TTN: variants seen among roughly 807,000 people sequenced by gnomAD.
TTN encodes titin, also known as connectin.
A neutral mutation model predicts 3,223.0 loss-of-function variants in TTN; 1,525 were observed. That is an observed-to-expected ratio of 0.47 (90% CI 0.45 to 0.49). The LOEUF (loss-of-function observed/expected upper bound fraction) is 0.49. Among genes scored for constraint, TTN ranks in the 20% least tolerant of loss-of-function variants. The pLI is 0.00. For synonymous variants in TTN, 14,094 were observed against 15,161.0 expected (o/e 0.93, Z 5.17); for missense variants, 40,786 against 43,424.0 (o/e 0.94, Z 5.40).
rs1345051684 is a variant in TTN, at chr2:178,653,263, T to C, written c.38766A>G (p.Lys12922=). Residue 12922 remains lysine (K), a synonymous_variant, in exon 198 of 363, where the codon AAA becomes AAG. Transcript: ENST00000589042. Reference sequence around the variant, plus strand: ...CTTTAACAGGTGGGACTTCAGGCTTTTTAGGAGGAGCCAAGGGCACTTTCT... The same window carrying C: ...CTTTAACAGGTGGGACTTCAGGCTTCTTAGGAGGAGCCAAGGGCACTTTCT... ...LEKKVPLAPP[K]KPEVPPVKVP... 6.2e-7 allele frequency: 1 copy of C among 1,612,430 alleles called. No individual in the cohort carries two copies. The highest frequency in any genetic ancestry group is 1.1e-5 in the South Asian group (1 of 90,926).
Position 178,548,533 on chromosome 2 carries a change from T to A in TTN, c.93093A>T (p.Gly31031=), listed in dbSNP as rs1353489644. 6.2e-7 allele frequency: 1 copy of A among 1,613,816 alleles called. No homozygotes were observed. Among genetic ancestry groups the A allele is most frequent in the South Asian group, 1.1e-5 (1 of 91,066 alleles). The change falls in exon 339 of 363, where the codon GGA becomes GGT. Residue 31031 remains glycine (G), a synonymous_variant. Coordinates refer to ENST00000589042, the MANE Select transcript of TTN (RefSeq NM_001267550.2). This position sits in a 1 kb window ranked among gnomAD's most constrained non-coding sequence, Gnocchi z 4.3. ...GGGCATCCCACATCAATGTAGCAGA[T>A]CCCCGGGTCACATCTTTGAAGGTAA... is the stretch of plus-strand genomic sequence containing the variant. ...GPITFKDVTR[G]SATLMWDAPL...
chr2:178,722,930 A>T lies in TTN; in HGVS notation c.21969T>A (p.Pro7323=). 6.2e-7 allele frequency: 1 copy of T among 1,609,756 alleles called. No homozygotes were observed. The highest frequency in any genetic ancestry group is 2.2e-5 in the East Asian group (1 of 44,716). Residue 7323 remains proline (P), a synonymous_variant, in exon 76 of 363, where the codon CCT becomes CCA. Transcript: ENST00000589042. ...GAGGTTCCAGTTCCGTAACAAAATA[A>T]GGCGGTTCTAAGGAAGAAAGGCTCA... ...CGALVSTLEP[P]YFVTELEPLE... is the part of the protein sequence containing the mutation.
At position 178,534,884 on chromosome 2, in the gene TTN, G is replaced by A; in HGVS notation, c.101731C>T (p.Leu33911Phe). ...TAACTTACAATTTCTCTTTCATTAA[G>A]TTCAAAAGCACTTGTGTTAATGCGC... Reference protein sequence around the residue: ...FERINTSAFELNEREIVSYVH... With the variant: ...FERINTSAFEFNEREIVSYVH... Residue 33911 changes from leucine (L) to phenylalanine (F), a missense_variant, in exon 358 of 363, where the codon CTT becomes TTT. Physicochemically the swap from Leu to Phe is conservative, Grantham distance 22. Transcript: ENST00000589042. The A allele has an allele frequency of 6.2e-7, 1 of 1,608,794 alleles. No homozygotes were observed.
chr2:178,679,929 G>T lies in TTN; in HGVS notation c.33545C>A (p.Thr11182Asn). Residue 11182 changes from threonine (T) to asparagine (N), a missense_variant, in exon 140 of 363, where the codon ACT (threonine) becomes AAT (asparagine). Thr to Asn is a moderately conservative substitution (Grantham distance 65). Transcript: ENST00000589042. ...EYIHEEEEFITEEEVVPVIPV... is the reference protein window; with the variant it reads ...EYIHEEEEFINEEEVVPVIPV... ...TATCACTGGCACCACTTCTTCCTCA[G>T]TTATGAACTCCTCTTCTTCATGAAT... 4 of 1,613,112 alleles carry T rather than the reference G, an allele frequency of 2.5e-6. No individual in the cohort carries two copies. The South Asian group carries it at 4.4e-5, about 18-fold the overall frequency.
At position 178,564,883 on chromosome 2, in the gene TTN, T is replaced by C. The variant is rs1553578905; in HGVS notation, c.81249A>G (p.Ser27083=). The part of the protein sequence containing the change: ...PGPPGTPFVT[S]ISKDQMLVQW... ...GCACAAGCATCTGATCTTTTGAGAT[T>C]GATGTCACAAAAGGAGTTCCAGGTG... is the stretch of plus-strand genomic sequence containing the variant. Residue 27083 remains serine (S), a synonymous_variant, in exon 326 of 363, where the codon TCA becomes TCG. Coordinates refer to ENST00000589042, the MANE Select transcript of TTN (RefSeq NM_001267550.2). 4 of 1,612,472 alleles carry C rather than the reference T, an allele frequency of 2.5e-6. No individual in the cohort carries two copies. Among genetic ancestry groups the C allele is most frequent in the Non-Finnish European group, 3.4e-6 (4 of 1,179,386 alleles).
In TTN at chr2:178,790,818, C is replaced by T. The variant is rs765801740; in HGVS notation, c.1690G>A (p.Ala564Thr). The change falls in exon 11 of 363, where the codon GCA becomes ACA. Residue 564 changes from alanine (A) to threonine (T), a missense_variant. Ala to Thr is a moderately conservative substitution (Grantham distance 58). Coordinates refer to ENST00000589042, the MANE Select transcript of TTN (RefSeq NM_001267550.2). The part of the protein sequence containing the change: ...AIRQETEITA[A>T]SMVVVATAKS... ...GCAGTGGCAACTACCACCATGGATG[C>T]AGCAGTTATCTCAGTTTCCTGTCTT... is the stretch of plus-strand genomic sequence containing the variant. 37 of 1,614,090 alleles carry T rather than the reference C, an allele frequency of 2.3e-5. No homozygotes were observed. Among genetic ancestry groups the T allele is most frequent in the Non-Finnish European group, 3.1e-5 (36 of 1,179,984 alleles).
In TTN at chr2:178,734,328, C is replaced by A; in HGVS notation, c.15496G>T (p.Glu5166Ter). The change falls in exon 52 of 363, where the codon GAA (glutamate) becomes TAA (stop). Residue 5166 changes from glutamate to a stop codon, truncating the protein, a stop_gained and splice_region_variant. Transcript: ENST00000589042. LOFTEE classifies it high-confidence loss of function. ...CGCMATHLLK[E>*]PPTFVKKVDD... ...AGACATTAGTTTTTCAAGCACTAAC[C>A]TTTGAGTAAGTGGGTTGCCATGCAG... 6.3e-7 allele frequency: 1 copy of A among 1,586,104 alleles called. No homozygotes were observed.
At position 178,554,081 on chromosome 2, in the gene TTN, CTCT is replaced by C. The variant is rs771616392; in HGVS notation, c.89027_89029del (p.Lys29676del). The C allele has an allele frequency of 4.3e-6, 7 of 1,613,726 alleles. No individual in the cohort carries two copies. The highest frequency in any genetic ancestry group is 2.2e-5 in the East Asian group (1 of 44,876). ...TTTTAGTACTTTAAACCATCCTAGG[CTCT>C]TCTTGTCTCGTTTTTCAAGGAAATA... is the stretch of plus-strand genomic sequence containing the variant. On this transcript the variant is annotated inframe_deletion, in exon 333 of 363. Transcript: ENST00000589042.
intron 58 of TTN, 30 bp downstream of exon 58, chr2:178,731,663 A>G (rs2080535865): frequency 6.3e-7 from 1 of 1,585,390 alleles, no homozygotes; most frequent in African/African-American, 1.4e-5. Flanking sequence ...TCTTCAGAAA[A>G]GCCAGTCCCT....
At chr2:178,680,527 G>C (rs2069133975) in intron 138 of TTN, among the ~76,000 whole-genome samples, 196 bp from the exon 139 acceptor site, 1 of 151,978 alleles carries the variant, frequency 6.6e-6, no homozygotes, top group African/African-American at 2.4e-5. Context: ...GTACACAGAA[G>C]TACCCAAGTA....
At chr2:178,771,750 G>T (rs774373735) in intron 33 of TTN, among the ~76,000 whole-genome samples, 38 of 152,072 alleles carry the variant, frequency 2.5e-4, no homozygotes, top group Non-Finnish European at 4.7e-4. Flanking sequence ...TATACCACCA[G>T]GATAGTCTCT....
Position 178,576,994 on chromosome 2 carries a change from A to T in TTN, c.69341T>A (p.Val23114Asp). ...TTTGCCATAGTGGTTTACAGCTGAG[A>T]CCCGGAAGATGTACTCATTTCCTTG... ...LIQGNEYIFR[V>D]SAVNHYGKGE... Residue 23114 changes from valine to aspartate, a missense_variant, in exon 324 of 363, where the codon GTC becomes GAC. By Grantham distance (152) the Val-to-Asp change is radical. Coordinates refer to ENST00000589042, the MANE Select transcript of TTN (RefSeq NM_001267550.2). The surrounding 1 kb of genome is among the most constrained non-coding windows in gnomAD (Gnocchi z 4.3). 2 of 1,613,450 alleles carry T rather than the reference A, an allele frequency of 1.2e-6. No individual in the cohort carries two copies. Among genetic ancestry groups the T allele is most frequent in the Non-Finnish European group, 1.7e-6 (2 of 1,179,554 alleles).
chr2:178,645,562 T>A (rs2061805821), intron 217 of TTN, among the ~76,000 whole-genome samples: 2 of 152,116 alleles, frequency 1.3e-5, no homozygotes, highest in Non-Finnish European at 2.9e-5. Flanking sequence ...CTTGCAAGGA[T>A]TTCTTATACA....
At chr2:178,641,504 A>G (rs914045441) in intron 219 of TTN, 189 bp from the exon 220 acceptor site, 3 of 405,392 alleles carry the variant, frequency 7.4e-6, no homozygotes, top group South Asian at 8.6e-5. Flanking sequence ...AAGGTTGTCA[A>G]TTATAATAGC....
At chr2:178,774,848 T>C (rs1306406074) in intron 29 of TTN, 73 bp downstream of exon 29, 3 of 1,560,610 alleles carry the variant, frequency 1.9e-6, no homozygotes, top group Non-Finnish European at 2.6e-6. Context: ...AAAAATTGCA[T>C]AGCTAATTTT....
intron 128 of TTN, 24 bp downstream of exon 128, chr2:178,685,494 A>C (rs1192654135): frequency 2.5e-6 from 4 of 1,600,794 alleles, no homozygotes. Flanking sequence ...CATAGGGATA[A>C]AACTAATTAA....
rs548471822 is a variant in TTN, at chr2:178,717,097, T to G, written c.25637A>C (p.Gln8546Pro). The change falls in exon 88 of 363, where the codon CAA becomes CCA. Residue 8546 changes from glutamine (Q) to proline (P), a missense_variant and splice_region_variant. Transcript: ENST00000589042. ...KDSCSAQLGV[Q>P]EPPRFIKKLE... ...TGCTCCTTCACTCTAACAAGTACCT[T>G]GTACACCCAGCTGAGCAGAACAAGA... 1 of 1,609,828 alleles carries G rather than the reference T, an allele frequency of 6.2e-7. No individual in the cohort carries two copies. The highest frequency in any genetic ancestry group is 1.3e-5 in the African/African-American group (1 of 74,932).
intron 350 of TTN, 32 bp from the exon 351 acceptor site, chr2:178,540,402 A>C (rs775223524): frequency 1.1e-5 from 17 of 1,546,810 alleles, no homozygotes; most frequent in Admixed American, 1.9e-5. Flanking sequence ...TACTGGTTAA[A>C]GTTGCTGCAA....
chr2:178,559,907 G>A lies in TTN; in HGVS notation c.86225C>T (p.Pro28742Leu). 6.2e-7 allele frequency: 1 copy of A among 1,613,554 alleles called. No individual in the cohort carries two copies. The highest frequency in any genetic ancestry group is 1.7e-5 in the Admixed American group (1 of 59,996). Reference sequence around the variant, plus strand: ...TTCTTCTCTTTCCTTTGCTATCTGAGGGTCAGAGCTATCACTGGGGTCACT... The same window carrying A: ...TTCTTCTCTTTCCTTTGCTATCTGAAGGTCAGAGCTATCACTGGGGTCACT... Reference protein sequence around the residue: ...GASDPSDSSDPQIAKEREEEP... With the variant: ...GASDPSDSSDLQIAKEREEEP... The change falls in exon 326 of 363, where the codon CCT (proline) becomes CTT (leucine). Residue 28742 changes from proline to leucine, a missense_variant. Transcript: ENST00000589042.
Sources: gnomAD v4.1 joint callset for allele counts (sites outside exome capture counted in the v4.1 genomes callset) on GRCh38, gnomAD v4.1.1 for gene constraint, Gnocchi (gnomAD v3.1) non-coding constraint, MANE v1.5 for transcripts, NCBI Gene and HGNC (gene_info 2026-07-23, HGNC 2026-07-21) for gene names.